ZNF728: variants seen among roughly 807,000 people sequenced by gnomAD.
ZNF728 encodes the protein zinc finger protein 728.
Under a neutral mutation model 12.5 loss-of-function variants are expected in ZNF728, and 12 were observed. That is an observed-to-expected ratio of 0.96 (90% CI 0.61 to 1.55). The LOEUF (loss-of-function observed/expected upper bound fraction) is 1.55. ZNF728 is among the 40% of genes most tolerant of loss of function. The pLI is 0.00. For missense variants in ZNF728, 692 were observed against 719.2 expected (o/e 0.96, Z 0.43); for synonymous variants, 205 against 240.7 (o/e 0.85, Z 1.37).
chr19:22,996,267 T>G (rs943759219), intron 1 of ZNF728, among the ~76,000 whole-genome samples: 2 of 152,214 alleles, frequency 1.3e-5, no homozygotes, highest in African/African-American at 4.8e-5. Flanking sequence ...TATTGTGGCC[T>G]TATATTCATA....
chr19:22,993,645 G>C (rs1969015919), intron 1 of ZNF728, among the ~76,000 whole-genome samples: 1 of 152,148 alleles, frequency 6.6e-6, no homozygotes, highest in Non-Finnish European at 1.5e-5. Flanking sequence ...TACAAAATTG[G>C]TTGCGAGAAA....
chr19:23,001,275 T>A (rs2548897), intron 1 of ZNF728, among the ~76,000 whole-genome samples: 2 of 152,068 alleles, frequency 1.3e-5, no homozygotes, highest in African/African-American at 4.8e-5. Context: ...CAGCAATGTG[T>A]CTCCAAGAAA....
chr19:22,999,217 C>T (rs1969080943), intron 1 of ZNF728, among the ~76,000 whole-genome samples: 1 of 152,026 alleles, frequency 6.6e-6, no homozygotes. Flanking sequence ...CCTTAAAGAT[C>T]TTATAGTTGG....
chr19:22,994,226 T>C (rs866184213), intron 1 of ZNF728, among the ~76,000 whole-genome samples: 1 of 152,152 alleles, frequency 6.6e-6, no homozygotes, highest in Non-Finnish European at 1.5e-5. Context: ...AGATACCAAG[T>C]AGGCAGACGC....
chr19:22,983,854 G>A (rs979800716), intron 3 of ZNF728, among the ~76,000 whole-genome samples: 10 of 152,038 alleles, frequency 6.6e-5, no homozygotes, highest in Non-Finnish European at 1.2e-4. Context: ...AGGGCCTGTC[G>A]GGGAGTGGGA....
chr19:22,999,731 T>C (rs565254646), intron 1 of ZNF728, among the ~76,000 whole-genome samples: 1 of 152,328 alleles, frequency 6.6e-6, no homozygotes, highest in Non-Finnish European at 1.5e-5. Flanking sequence ...GACAATAAAG[T>C]ATTATTTTAT....
intron 1 of ZNF728, 95 bp from the exon 2 acceptor site, chr19:22,988,546 C>T: frequency 6.5e-7 from 1 of 1,541,042 alleles, no homozygotes; most frequent in Non-Finnish European, 8.8e-7. Context: ...AAAAAGAGCT[C>T]ATTCTGACTT....
rs545820766 is a variant in ZNF728 at position 23,003,012 on chromosome 19, G to C, written c.3+16C>G. On this transcript the variant is annotated intron_variant, in intron 1 of 3. Transcript: ENST00000594710. ...CGGCTGCCACTCTCTCGGGATGTCG[G>C]ACCCGGCTGACTCACCATTTCTAGG... is the stretch of plus-strand genomic sequence containing the variant. 3.9e-5 allele frequency: 62 copies of C among 1,583,492 alleles called. No homozygotes were observed. The Middle Eastern group carries it at 1.4e-3, about 35-fold the overall frequency.
At chr19:22,987,436 G>A in intron 2 of ZNF728, 33 bp from the exon 3 acceptor site, 1 of 1,550,810 alleles carries the variant, frequency 6.4e-7, no homozygotes, top group Non-Finnish European at 8.7e-7. Context: ...CATGCATCTT[G>A]CTCATATTCT....
At chr19:22,994,050 G>A (rs1969022400) in intron 1 of ZNF728, among the ~76,000 whole-genome samples, 1 of 152,134 alleles carries the variant, frequency 6.6e-6, no homozygotes, top group East Asian at 1.9e-4. Context: ...ATGTCTACAG[G>A]TCTGCTCAAT....
chr19:22,976,782 A>G lies in ZNF728; in HGVS notation c.555T>C (p.Leu185=). 2 of 1,613,496 alleles carry G rather than the reference A, an allele frequency of 1.2e-6. No individual in the cohort carries two copies. The highest frequency in any genetic ancestry group is 1.7e-6 in the Non-Finnish European group (2 of 1,179,870). The stretch of plus-strand genomic sequence containing the variant: ...TTCTTTTATGTTGAGATAGGTGTGA[A>G]AGCATGCAAAATGATCTGACATATT... The part of the protein sequence containing the change: ...CKEYVRSFCM[L]SHLSQHKRIY... The change falls in exon 4 of 4, where the codon CTT becomes CTC. Residue 185 remains leucine (L), a synonymous_variant. Transcript: ENST00000594710.
Position 23,002,296 on chromosome 19 carries a change from C to T in ZNF728, c.3+732G>A, listed in dbSNP as rs531929370. ...CGCCATTGCACTCCAGCCAGGGCGA[C>T]AGAGTGAGACTTTGTCTCAAAAAAA... On this transcript the variant is annotated intron_variant, in intron 1 of 3. Coordinates refer to ENST00000594710, the MANE Select transcript of ZNF728 (RefSeq NM_001267716.2). Among the ~76,000 whole-genome samples, 3 of 152,206 alleles carry T rather than the reference C, an allele frequency of 2.0e-5. No homozygotes were observed. The South Asian group carries it at 6.2e-4, about 31-fold the overall frequency.
At chr19:22,999,935 T>C (rs1305664996) in intron 1 of ZNF728, among the ~76,000 whole-genome samples, 1 of 152,224 alleles carries the variant, frequency 6.6e-6, no homozygotes, top group African/African-American at 2.4e-5. Context: ...AACTCACCAA[T>C]TATCTACCAC....
At chr19:22,979,388 A>T (rs1381352031) in intron 3 of ZNF728, among the ~76,000 whole-genome samples, 1 of 152,216 alleles carries the variant, frequency 6.6e-6, no homozygotes, top group Non-Finnish European at 1.5e-5. Context: ...TCTACATTTG[A>T]TCGGGGTACC....
In ZNF728 at chr19:22,976,799, TG is replaced by T; in HGVS notation, c.537del (p.Arg180AspfsTer69). ...GKKLLKCKEYVRSFCMLSHLS... is the reference protein window; with the variant it reads ...GKKLLKCKEYXRSFCMLSHLS... ...AGGTGTGAAAGCATGCAAAATGATC[TG>T]ACATATTCTTTACATTTCAAAAGTT... On this transcript the variant is annotated frameshift_variant, in exon 4 of 4. Coordinates refer to ENST00000594710, the MANE Select transcript of ZNF728 (RefSeq NM_001267716.2). LOFTEE classifies it low-confidence loss of function (END_TRUNC). 6.2e-7 allele frequency: 1 copy of T among 1,613,512 alleles called. No individual in the cohort carries two copies. The highest frequency in any genetic ancestry group is 8.5e-7 in the Non-Finnish European group (1 of 1,179,838).
intron 3 of ZNF728, among the ~76,000 whole-genome samples, chr19:22,978,281 T>C (rs1181743900): frequency 6.8e-6 from 1 of 147,360 alleles, no homozygotes; most frequent in Non-Finnish European, 1.5e-5. Flanking sequence ...AGAAGAGAAC[T>C]GTGTGAGATA....
At chr19:22,989,360 T>G (rs1968958759) in intron 1 of ZNF728, among the ~76,000 whole-genome samples, 1 of 152,198 alleles carries the variant, frequency 6.6e-6, no homozygotes, top group South Asian at 2.1e-4. Context: ...TCTCAGTTTT[T>G]CTGGTTTGTA....
intron 1 of ZNF728, among the ~76,000 whole-genome samples, chr19:22,993,338 T>C (rs289297): frequency 0.31 from 46,544 of 152,124 alleles, 9,246 homozygotes; most frequent in African/African-American, 0.57. Flanking sequence ...GCCAGCCAGA[T>C]CTTATTTGCA....
chr19:23,002,928 G>A (rs1246553594), intron 1 of ZNF728, 100 bp downstream of exon 1: 9 of 1,475,270 alleles, frequency 6.1e-6, no homozygotes, highest in Non-Finnish European at 8.4e-6. Context: ...ACAGATTGTG[G>A]AGCTGACTGA....
Sources: gnomAD v4.1 joint callset for allele counts (sites outside exome capture counted in the v4.1 genomes callset) on GRCh38, gnomAD v4.1.1 for gene constraint, MANE v1.5 for transcripts, NCBI Gene and HGNC (gene_info 2026-07-23, HGNC 2026-07-21) for gene names.